HTR1D: variants seen among roughly 807,000 people sequenced by gnomAD.
The protein encoded by HTR1D is 5-HT-1D.
HTR1D carries 18 observed loss-of-function variants against 21.1 expected under a neutral mutation model. The ratio of observed to expected loss-of-function variants is 0.85; its 90% CI spans 0.59 to 1.27. HTR1D has a LOEUF of 1.27. HTR1D is among the 50% of genes most tolerant of loss of function. The probability of loss-of-function intolerance (pLI) is 0.00; values close to 1 mark genes in which losing one functional copy is unlikely to be tolerated. For synonymous variants in HTR1D, 196 were observed against 204.4 expected (o/e 0.96, Z 0.35); for missense variants, 456 against 481.4 (o/e 0.95, Z 0.49).
intron 1 of HTR1D, among the ~76,000 whole-genome samples, chr1:23,209,962 C>G (rs1453326572): frequency 6.6e-6 from 1 of 152,178 alleles, no homozygotes; most frequent in Non-Finnish European, 1.5e-5. Context: ...GGCAGCTTGG[C>G]ACAACCCAAA....
At chr1:23,204,593 T>A (rs970536865) in intron 1 of HTR1D, among the ~76,000 whole-genome samples, 9 of 152,146 alleles carry the variant, frequency 5.9e-5, no homozygotes, top group Admixed American at 2.0e-4. Context: ...CCTGCCCCCA[T>A]CAAAAGGAGT....
chr1:23,216,625 C>T (rs1187163477), intron 1 of HTR1D, among the ~76,000 whole-genome samples: 2 of 152,232 alleles, frequency 1.3e-5, no homozygotes, highest in South Asian at 2.1e-4. Context: ...AGTGCCCTTC[C>T]AGTTCCGGCA....
In HTR1D at chr1:23,194,290, G is replaced by T; in HGVS notation, c.-71C>A. 7.1e-7 allele frequency: 1 copy of T among 1,413,450 alleles called. No individual in the cohort carries two copies. The highest frequency in any genetic ancestry group is 9.7e-7 in the Non-Finnish European group (1 of 1,029,988). The allele number at this position is 1,413,450 out of a possible 1,614,324, so 87.6% of individuals were successfully genotyped here. On this transcript the variant is annotated 5_prime_UTR_variant, in exon 2 of 2. The change creates a new upstream start codon in the 5' untranslated region. Coordinates refer to ENST00000374619, the MANE Select transcript of HTR1D (RefSeq NM_000864.5). The stretch of plus-strand genomic sequence containing the variant: ...TTCCTTCAAGGTTGTCCTGACAACA[G>T]AGCAAAGTCATCCTTCTGCTTCACA...
chr1:23,203,119 C>T (rs1036341922), intron 1 of HTR1D, among the ~76,000 whole-genome samples: 1 of 152,128 alleles, frequency 6.6e-6, no homozygotes, highest in East Asian at 1.9e-4. Flanking sequence ...AGGCTGGTCT[C>T]GAACTACTGA....
intron 1 of HTR1D, among the ~76,000 whole-genome samples, chr1:23,195,322 C>A (rs776686368): frequency 6.6e-6 from 1 of 151,924 alleles, no homozygotes; most frequent in African/African-American, 2.4e-5. Flanking sequence ...ACACAGGGAA[C>A]GATAAAGGCC....
chr1:23,196,767 C>T (rs1644690444), intron 1 of HTR1D, among the ~76,000 whole-genome samples: 2 of 152,254 alleles, frequency 1.3e-5, no homozygotes, highest in African/African-American at 4.8e-5. Flanking sequence ...GGTGATGTCA[C>T]CTGCCCAAGG....
intron 1 of HTR1D, among the ~76,000 whole-genome samples, chr1:23,202,786 T>C (rs1004848782): frequency 6.6e-6 from 1 of 152,168 alleles, no homozygotes; most frequent in African/African-American, 2.4e-5. Flanking sequence ...TTTCATCTCA[T>C]TCTCTCTCCT....
chr1:23,206,872 G>A (rs1486012694), intron 1 of HTR1D, among the ~76,000 whole-genome samples: 3 of 152,174 alleles, frequency 2.0e-5, no homozygotes, highest in Admixed American at 1.3e-4. Context: ...ATCCATACCT[G>A]TCTATGAAAG....
At chr1:23,200,277 G>A (rs781041717) in intron 1 of HTR1D, among the ~76,000 whole-genome samples, 3 of 152,180 alleles carry the variant, frequency 2.0e-5, no homozygotes, top group Non-Finnish European at 4.4e-5. Flanking sequence ...TGTATGTGTT[G>A]TGTTGTAAAC....
At chr1:23,196,083 C>T (rs898024908) in intron 1 of HTR1D, among the ~76,000 whole-genome samples, 5 of 152,038 alleles carry the variant, frequency 3.3e-5, no homozygotes, top group Non-Finnish European at 7.4e-5. Context: ...TTAAGCGATC[C>T]TCCAGCCTTG....
intron 1 of HTR1D, among the ~76,000 whole-genome samples, chr1:23,206,742 C>T (rs1253532896): frequency 6.6e-6 from 1 of 152,142 alleles, no homozygotes; most frequent in Non-Finnish European, 1.5e-5. Flanking sequence ...TCAGGTACCC[C>T]TTTCCTGAGA....
chr1:23,211,182 G>C (rs961218667), intron 1 of HTR1D, among the ~76,000 whole-genome samples: 3 of 152,082 alleles, frequency 2.0e-5, no homozygotes, highest in African/African-American at 7.2e-5. Context: ...GTGACCTTAG[G>C]CAAGTTACTC....
rs115985527 is a variant in HTR1D, at chr1:23,194,033, T to A, written c.187A>T (p.Ile63Phe). Reference sequence around the variant, plus strand: ...GTGTGGAGCTTCCTGGTGAGTAAGATGGTGGTGAGTACAAAGGCATTGGAG... The same window carrying A: ...GTGTGGAGCTTCCTGGTGAGTAAGAAGGTGGTGAGTACAAAGGCATTGGAG... ...VLSNAFVLTTILLTRKLHTPA... is the reference protein window; with the variant it reads ...VLSNAFVLTTFLLTRKLHTPA... Residue 63 changes from isoleucine to phenylalanine, a missense_variant, in exon 2 of 2, where the codon ATC (isoleucine) becomes TTC (phenylalanine). Physicochemically the swap from Ile to Phe is conservative, Grantham distance 21 (BLOSUM62 0). Coordinates refer to ENST00000374619, the MANE Select transcript of HTR1D (RefSeq NM_000864.5). 46 of 1,614,034 alleles carry A rather than the reference T, an allele frequency of 2.9e-5. No individual in the cohort carries two copies. In the Middle Eastern group the frequency reaches 9.9e-4, roughly 35 times the overall value.
At chr1:23,204,894 G>T (rs915662650) in intron 1 of HTR1D, among the ~76,000 whole-genome samples, 4 of 152,296 alleles carry the variant, frequency 2.6e-5, no homozygotes, top group South Asian at 2.1e-4. Flanking sequence ...CCAGCCAAGG[G>T]TATCTATCCA....
chr1:23,198,220 G>A (rs1411334130), intron 1 of HTR1D, among the ~76,000 whole-genome samples: 2 of 139,052 alleles, frequency 1.4e-5, no homozygotes, highest in Non-Finnish European at 3.1e-5. Context: ...AAAAAAATTA[G>A]CCGGGCACAG....
At chr1:23,208,625 C>CAAAAGAAAAG (rs769493609) in intron 1 of HTR1D, among the ~76,000 whole-genome samples, 2 of 151,162 alleles carry the variant, frequency 1.3e-5, no homozygotes, top group Non-Finnish European at 3.0e-5. Flanking sequence ...CATGGTGTCT[C>CAAAAGAAAAG]AAAAGAAAAG....
At chr1:23,213,579 A>G (rs766114669) in intron 1 of HTR1D, among the ~76,000 whole-genome samples, 7 of 152,168 alleles carry the variant, frequency 4.6e-5, no homozygotes, top group Admixed American at 3.9e-4. Context: ...TCACTCCCCT[A>G]CACATTCTGT....
chr1:23,208,259 T>C (rs186294355), intron 1 of HTR1D, among the ~76,000 whole-genome samples: 292 of 151,740 alleles, frequency 1.9e-3, no homozygotes, highest in African/African-American at 6.6e-3. Flanking sequence ...CAAAAGCCCA[T>C]CTCTACAAAA....
In HTR1D at chr1:23,193,938, G is replaced by C; in HGVS notation, c.282C>G (p.Ile94Met). 6.2e-7 allele frequency: 1 copy of C among 1,614,228 alleles called. No homozygotes were observed. Among genetic ancestry groups the C allele is most frequent in the East Asian group, 2.2e-5 (1 of 44,888 alleles). The stretch of plus-strand genomic sequence containing the variant: ...TGTGGGTGATGGTATAGGCGATGCT[G>C]ATGGGCATTACCAAGATGGAAACCA... Reference protein sequence around the residue: ...DLLVSILVMPISIAYTITHTW... With the variant: ...DLLVSILVMPMSIAYTITHTW... The change falls in exon 2 of 2, where the codon ATC becomes ATG. Residue 94 changes from isoleucine (I) to methionine (M), a missense_variant. Ile to Met is a conservative substitution (Grantham distance 10, BLOSUM62 1). Coordinates refer to ENST00000374619, the MANE Select transcript of HTR1D (RefSeq NM_000864.5).
Sources: allele counts gnomAD v4.1 joint callset (sites outside exome capture counted in the v4.1 genomes callset), GRCh38; gene constraint gnomAD v4.1.1; transcripts MANE v1.5; gene names NCBI Gene and HGNC (gene_info 2026-07-23, HGNC 2026-07-21).